BICC1: variants seen among roughly 807,000 people sequenced by gnomAD.
BICC1 encodes the protein BicC family RNA binding protein 1, also known as protein bicaudal C homolog 1.
BICC1 carries 43 observed loss-of-function variants against 111.0 expected under a neutral mutation model. The ratio of observed to expected loss-of-function variants is 0.39; its 90% CI spans 0.30 to 0.50. BICC1 has a LOEUF of 0.50. Among genes scored for constraint, BICC1 ranks in the 20% least tolerant of loss-of-function variants. BICC1 has a pLI of 0.88. For missense variants in BICC1, 1,091 were observed against 1,203.2 expected (o/e 0.91, Z 1.38); for synonymous variants, 467 against 434.4 (o/e 1.07, Z -0.93).
At chr10:58,625,518 A>G (rs1007876908) in intron 2 of BICC1, among the ~76,000 whole-genome samples, 1 of 152,142 alleles carries the variant, frequency 6.6e-6, no homozygotes, top group Non-Finnish European at 1.5e-5. Flanking sequence ...TACATCATTT[A>G]TTTTAATGTA....
Position 58,828,986 on chromosome 10 carries a change from G to A in BICC1, c.*95G>A. Reference sequence around the variant, plus strand: ...ACAGCACACCATCCTTAGCACTCTGGGTGTCTGGTATCAGGACCAAAGCAT... The same window carrying A: ...ACAGCACACCATCCTTAGCACTCTGAGTGTCTGGTATCAGGACCAAAGCAT... On this transcript the variant is annotated 3_prime_UTR_variant, in exon 21 of 21. Transcript: ENST00000373886. 6.8e-7 allele frequency: 1 copy of A among 1,469,588 alleles called. No homozygotes were observed. Among genetic ancestry groups the A allele is most frequent in the Non-Finnish European group, 9.2e-7 (1 of 1,083,810 alleles). The allele number at this position is 1,469,588 out of a possible 1,614,324, so 91.0% of individuals were successfully genotyped here.
chr10:58,732,861 A>C (rs1002423715), intron 3 of BICC1, among the ~76,000 whole-genome samples: 2 of 152,140 alleles, frequency 1.3e-5, no homozygotes, highest in African/African-American at 4.8e-5. Flanking sequence ...ACATCTTCTG[A>C]TCACAGATCA....
intron 1 of BICC1, among the ~76,000 whole-genome samples, chr10:58,591,221 C>T (rs924894885): frequency 3.3e-5 from 5 of 152,110 alleles, no homozygotes; most frequent in African/African-American, 1.2e-4. Flanking sequence ...GCTTGATATT[C>T]TTCTCCACAA....
chr10:58,813,175 A>G (rs1843965800), intron 17 of BICC1, among the ~76,000 whole-genome samples: 1 of 152,232 alleles, frequency 6.6e-6, no homozygotes, highest in South Asian at 2.1e-4. Flanking sequence ...TTAATACTCT[A>G]GGTAATAGTA....
intron 1 of BICC1, 98 bp downstream of exon 1, chr10:58,513,431 GGC>G: frequency 2.9e-6 from 1 of 349,678 alleles, no homozygotes; most frequent in Non-Finnish European, 3.7e-6. Flanking sequence ...TCCAGCCTAC[GGC>G]CGGCCGGTTT....
chr10:58,716,952 T>G (rs1733073774), intron 3 of BICC1, among the ~76,000 whole-genome samples: 1 of 151,544 alleles, frequency 6.6e-6, no homozygotes, highest in African/African-American at 2.4e-5. Context: ...CATATGCTGC[T>G]TTGAGTGAAC....
intron 10 of BICC1, among the ~76,000 whole-genome samples, chr10:58,797,013 G>C (rs934819800): frequency 6.6e-6 from 1 of 152,144 alleles, no homozygotes; most frequent in Non-Finnish European, 1.5e-5. Flanking sequence ...AGGAAATCTA[G>C]TCAGAGGCCA....
chr10:58,524,262 A>G (rs937324972), intron 1 of BICC1, among the ~76,000 whole-genome samples: 9 of 152,214 alleles, frequency 5.9e-5, no homozygotes. Flanking sequence ...AGCCAAAAGA[A>G]CAAAGCTGGA....
intron 1 of BICC1, among the ~76,000 whole-genome samples, chr10:58,582,516 C>G (rs1219983207): frequency 2.6e-5 from 4 of 152,168 alleles, no homozygotes; most frequent in Admixed American, 2.6e-4. Flanking sequence ...GCTTCAGTTA[C>G]TATCCACTTA....
chr10:58,594,110 A>G (rs1459630092), intron 1 of BICC1, among the ~76,000 whole-genome samples: 3 of 151,778 alleles, frequency 2.0e-5, no homozygotes, highest in South Asian at 4.1e-4. Flanking sequence ...TCCATCAAGC[A>G]GAAGAAAGGA....
At chr10:58,768,134 A>T (rs1356727451) in intron 3 of BICC1, among the ~76,000 whole-genome samples, 2 of 152,158 alleles carry the variant, frequency 1.3e-5, no homozygotes, top group Non-Finnish European at 2.9e-5. Flanking sequence ...ATAAAACTTC[A>T]CCAAGACACA....
At chr10:58,526,986 C>A (rs1205325565) in intron 1 of BICC1, among the ~76,000 whole-genome samples, 1 of 152,164 alleles carries the variant, frequency 6.6e-6, no homozygotes, top group Non-Finnish European at 1.5e-5. Flanking sequence ...AGTTCTAGAT[C>A]CTTGAGGAAT....
intron 3 of BICC1, among the ~76,000 whole-genome samples, chr10:58,717,189 T>C (rs1263666013): frequency 3.3e-5 from 5 of 152,184 alleles, no homozygotes; most frequent in Non-Finnish European, 5.9e-5. Flanking sequence ...TTTTAACCAG[T>C]CAGGAAAATT....
At chr10:58,544,791 A>G (rs1057253429) in intron 1 of BICC1, among the ~76,000 whole-genome samples, 4 of 152,100 alleles carry the variant, frequency 2.6e-5, no homozygotes, top group Non-Finnish European at 5.9e-5. Flanking sequence ...CCAAAATCAG[A>G]TGTTGACATT....
intron 1 of BICC1, among the ~76,000 whole-genome samples, chr10:58,614,985 T>A (rs766932042): frequency 1.8e-4 from 27 of 152,278 alleles, no homozygotes; most frequent in Middle Eastern, 3.4e-3. Context: ...ATCTGCTACT[T>A]TCATTGCCAT....
intron 2 of BICC1, among the ~76,000 whole-genome samples, chr10:58,633,846 T>G (rs1022167057): frequency 6.6e-6 from 1 of 152,114 alleles, no homozygotes; most frequent in Non-Finnish European, 1.5e-5. Flanking sequence ...TTTAGCACAC[T>G]CTGGTATTAG....
chr10:58,666,239 G>A (rs1302131363), intron 2 of BICC1, among the ~76,000 whole-genome samples: 1 of 152,128 alleles, frequency 6.6e-6, no homozygotes, highest in East Asian at 1.9e-4. Flanking sequence ...GTTACAGCTC[G>A]GCATTTGCCT....
intron 3 of BICC1, among the ~76,000 whole-genome samples, chr10:58,743,352 T>C (rs1841729398): frequency 6.6e-6 from 1 of 152,136 alleles, no homozygotes; most frequent in Non-Finnish European, 1.5e-5. Context: ...TAGTTTATCT[T>C]GTAGGCCAAT....
At chr10:58,576,498 A>AT (rs1381499298) in intron 1 of BICC1, among the ~76,000 whole-genome samples, 1 of 152,190 alleles carries the variant, frequency 6.6e-6, no homozygotes, top group Non-Finnish European at 1.5e-5. Context: ...CGCACTTTGA[A>AT]TAGCACTGAT....
Sources: gnomAD v4.1 joint callset for allele counts (sites outside exome capture counted in the v4.1 genomes callset) on GRCh38, gnomAD v4.1.1 for gene constraint, MANE v1.5 for transcripts, NCBI Gene and HGNC (gene_info 2026-07-23, HGNC 2026-07-21) for gene names.